BCL7B: variants seen among roughly 807,000 people sequenced by gnomAD.
BCL7B encodes the protein B-cell CLL/lymphoma 7 protein family member B.
Under a neutral mutation model 26.5 loss-of-function variants are expected in BCL7B, and 11 were observed. The observed-to-expected ratio is 0.42, with a 90% CI of 0.26 to 0.69. The LOEUF is 0.69. Ranked by LOEUF, BCL7B falls within the 30% of genes least tolerant of loss-of-function variation. BCL7B has a pLI of 0.28. For synonymous variants in BCL7B, 111 were observed against 107.9 expected, an observed-to-expected ratio of 1.03 and a Z score of -0.18; for missense variants, 215 against 264.4, an observed-to-expected ratio of 0.81 and a Z score of 1.30.
At chr7:73,557,155 GA>G in intron 1 of BCL7B, 1 of 1,012,074 alleles carries the variant, frequency 9.9e-7, no homozygotes, top group Non-Finnish European at 1.2e-6. Flanking sequence ...CACTGCCCAG[GA>G]AGAGGGGAGG....
At chr7:73,543,226 G>C (rs1248526849) in intron 3 of BCL7B, among the ~76,000 whole-genome samples, 1 of 151,790 alleles carries the variant, frequency 6.6e-6, no homozygotes, top group Non-Finnish European at 1.5e-5. Flanking sequence ...GCCCAGGCTG[G>C]AGTGCAGTGG....
intron 3 of BCL7B, chr7:73,540,264 C>T: frequency 1.8e-6 from 1 of 555,400 alleles, no homozygotes; most frequent in East Asian, 3.0e-5. Context: ...TTAGGAAGGT[C>T]AGGATATGCT....
chr7:73,549,688 G>T (rs1429861550), intron 2 of BCL7B, among the ~76,000 whole-genome samples: 2 of 152,166 alleles, frequency 1.3e-5, no homozygotes, highest in Non-Finnish European at 2.9e-5. Flanking sequence ...AAATTAGCTG[G>T]GCATGATGGC....
chr7:73,544,418 A>C (rs1446273570), intron 2 of BCL7B, among the ~76,000 whole-genome samples: 2 of 151,890 alleles, frequency 1.3e-5, no homozygotes, highest in Non-Finnish European at 2.9e-5. Context: ...ATCTAAAAAA[A>C]CATAAAATAA....
At chr7:73,540,150 C>A in intron 3 of BCL7B, 98 bp from the exon 4 acceptor site, 3 of 1,306,126 alleles carry the variant, frequency 2.3e-6, no homozygotes, top group East Asian at 5.0e-5. Context: ...CTTTAGGCAG[C>A]CAAGGATACA....
At chr7:73,550,644 G>GT (rs11335676) in intron 2 of BCL7B, among the ~76,000 whole-genome samples, 5 of 148,558 alleles carry the variant, frequency 3.4e-5, no homozygotes, top group African/African-American at 5.0e-5. Flanking sequence ...TTTTTTTTTT[G>GT]TTTTTTTTTT....
chr7:73,553,010 C>T (rs570708026), intron 1 of BCL7B, among the ~76,000 whole-genome samples: 1 of 152,130 alleles, frequency 6.6e-6, no homozygotes, highest in South Asian at 2.1e-4. Context: ...CAGCCTTGAC[C>T]TCCTGGGCTC....
intron 1 of BCL7B, chr7:73,556,951 A>C (rs1792383593): frequency 1.0e-6 from 1 of 989,742 alleles, no homozygotes; most frequent in Admixed American, 6.1e-5. Flanking sequence ...CTCGCGGCGC[A>C]GGGGCCGGTT....
chr7:73,548,676 A>C (rs1309047562), intron 2 of BCL7B, among the ~76,000 whole-genome samples: 4 of 151,946 alleles, frequency 2.6e-5, no homozygotes, highest in Non-Finnish European at 1.5e-5. Flanking sequence ...CACGCCTGTA[A>C]TCCCAACACT....
chr7:73,539,733 CTA>C lies in BCL7B; in HGVS notation c.436+147_436+148del, dbSNP rs200707611. 3.2e-3 allele frequency: 2,917 copies of C among 909,714 alleles called. 64 individuals are homozygous for C. In the African/African-American group the frequency reaches 0.044, roughly 14 times the overall value. The allele number at this position is 909,714 out of a possible 1,614,324, so 56.4% of individuals were successfully genotyped here. A position where few individuals can be genotyped will look rare whatever the true frequency, so the allele number is the denominator to read the frequency against. ...TCCCTTCCCTCTGTGAAAGGGGAAA[CTA>C]TAATCATTCCTAAGCTATCGAGAAA... On this transcript the variant is annotated intron_variant, in intron 4 of 5. Transcript: ENST00000223368.
chr7:73,546,003 G>A (rs1791940425), intron 2 of BCL7B, among the ~76,000 whole-genome samples: 1 of 151,902 alleles, frequency 6.6e-6, no homozygotes, highest in African/African-American at 2.4e-5. Flanking sequence ...GTGGTGGCGG[G>A]TGCCTGTAGT....
chr7:73,548,534 T>C (rs1446770076), intron 2 of BCL7B, among the ~76,000 whole-genome samples: 1 of 152,070 alleles, frequency 6.6e-6, no homozygotes, highest in Non-Finnish European at 1.5e-5. Flanking sequence ...GGAGGATCAC[T>C]GGAGCCCAGG....
chr7:73,552,375 T>C (rs1368008716), intron 1 of BCL7B, 133 bp from the exon 2 acceptor site: 41 of 730,888 alleles, frequency 5.6e-5, no homozygotes, highest in Non-Finnish European at 1.4e-5. Flanking sequence ...TGGTGGGGTA[T>C]GGTAGCTCAC....
At chr7:73,545,152 A>G (rs1791906327) in intron 2 of BCL7B, among the ~76,000 whole-genome samples, 1 of 152,096 alleles carries the variant, frequency 6.6e-6, no homozygotes, top group Non-Finnish European at 1.5e-5. Flanking sequence ...ACCAGTTCAC[A>G]CTTTTTATAC....
In BCL7B at chr7:73,550,878, C is replaced by T. The variant is rs561279890; in HGVS notation, c.168+1289G>A. ...TTCACCATGTTAGCCAGGATGGTCTCGATCTCCTGACCTCGTGATCCGCCC... is the reference window on the plus strand; with the variant it reads ...TTCACCATGTTAGCCAGGATGGTCTTGATCTCCTGACCTCGTGATCCGCCC... On this transcript the variant is annotated intron_variant, in intron 2 of 5. Coordinates refer to ENST00000223368, the MANE Select transcript of BCL7B (RefSeq NM_001707.4). Among the ~76,000 whole-genome samples, 79 of 152,114 alleles carry T rather than the reference C, an allele frequency of 5.2e-4. 2 individuals are homozygous for T. In the East Asian group the frequency reaches 0.014, roughly 27 times the overall value.
intron 2 of BCL7B, among the ~76,000 whole-genome samples, chr7:73,549,788 A>G (rs1335007899): frequency 1.3e-5 from 2 of 152,204 alleles, no homozygotes; most frequent in African/African-American, 4.8e-5. Flanking sequence ...TGAGATCATG[A>G]CACTGCACTC....
Position 73,539,249 on chromosome 7 carries a change from C to T in BCL7B, c.436+633G>A, listed in dbSNP as rs1024934743. On this transcript the variant is annotated intron_variant, in intron 4 of 5. Coordinates refer to ENST00000223368, the MANE Select transcript of BCL7B (RefSeq NM_001707.4). ...TGCTGGGATTACAGGTGTGAGCCAC[C>T]GCGCCAGGTCTTTTTTTTTTGAGAT... 8.1e-4 allele frequency among the ~76,000 whole-genome samples: 122 copies of T among 150,184 alleles called. 2 individuals are homozygous for T. The highest frequency in any genetic ancestry group is 2.2e-4 in the Non-Finnish European group (15 of 67,144).
intron 2 of BCL7B, among the ~76,000 whole-genome samples, chr7:73,548,244 A>G (rs556339535): frequency 7.9e-5 from 12 of 152,082 alleles, no homozygotes; most frequent in Non-Finnish European, 1.8e-4. Flanking sequence ...CCTGGCCAAC[A>G]TGGTAAAACC....
Position 73,537,243 on chromosome 7 carries a change from G to C in BCL7B, c.*55C>G. 1 of 1,576,678 alleles carries C rather than the reference G, an allele frequency of 6.3e-7. No individual in the cohort carries two copies. The stretch of plus-strand genomic sequence containing the variant: ...TTACCCCAGCAACGCGGCGCGGCCA[G>C]AACCAGAATGCAATAAATAGAGGCA... On this transcript the variant is annotated 3_prime_UTR_variant, in exon 6 of 6. Coordinates refer to ENST00000223368, the MANE Select transcript of BCL7B (RefSeq NM_001707.4).
Sources: gnomAD v4.1 joint callset for allele counts (sites outside exome capture counted in the v4.1 genomes callset) on GRCh38, gnomAD v4.1.1 for gene constraint, MANE v1.5 for transcripts, NCBI Gene and HGNC (gene_info 2026-07-23, HGNC 2026-07-21) for gene names.